Variants in ERBB4 observed in about 807,000 individuals in gnomAD.
The protein encoded by ERBB4 is receptor tyrosine-protein kinase erbB-4.
A neutral mutation model predicts 158.0 loss-of-function variants in ERBB4; 42 were observed. That is an observed-to-expected ratio of 0.27 (90% CI 0.21 to 0.34). The LOEUF (loss-of-function observed/expected upper bound fraction) is 0.34, where lower values mean the gene tolerates loss of function less well. ERBB4 is among the 10% of genes least tolerant of loss of function. ERBB4 has a pLI of 1.00. For missense variants in ERBB4, 1,333 were observed against 1,624.1 expected (o/e 0.82, Z 3.08); for synonymous variants, 583 against 558.7 (o/e 1.04, Z -0.61).
intron 1 of ERBB4, among the ~76,000 whole-genome samples, chr2:212,349,735 T>C (rs2089172235): frequency 6.6e-6 from 1 of 152,122 alleles, no homozygotes; most frequent in African/African-American, 2.4e-5. Flanking sequence ...GAAGTTGCAG[T>C]TATCCCGTAG....
intron 1 of ERBB4, among the ~76,000 whole-genome samples, chr2:212,437,204 A>G (rs1347463333): frequency 3.9e-5 from 6 of 152,024 alleles, no homozygotes; most frequent in Non-Finnish European, 2.9e-5. Context: ...CTGCTCCTAA[A>G]TAAGTTTGGC....
chr2:212,500,473 C>T (rs972278583), intron 1 of ERBB4, among the ~76,000 whole-genome samples: 1 of 152,012 alleles, frequency 6.6e-6, no homozygotes, highest in Non-Finnish European at 1.5e-5. Flanking sequence ...ATATAAATGA[C>T]TACTATAGGG....
chr2:211,601,594 T>C (rs1382056128), intron 19 of ERBB4, among the ~76,000 whole-genome samples: 2 of 152,040 alleles, frequency 1.3e-5, no homozygotes, highest in Non-Finnish European at 2.9e-5. Context: ...AAATTTGGCA[T>C]CCAAATGGCA....
At chr2:211,781,208 G>C (rs949995701) in intron 4 of ERBB4, among the ~76,000 whole-genome samples, 1 of 152,120 alleles carries the variant, frequency 6.6e-6, no homozygotes, top group South Asian at 2.1e-4. Context: ...AAGAAAGCTA[G>C]TTATATGTAA....
rs183325019 is a variant in ERBB4 at position 211,831,747 on chromosome 2, C to T, written c.422-43588G>A. 4.7e-3 allele frequency among the ~76,000 whole-genome samples: 720 copies of T among 151,960 alleles called. 26 individuals carry two copies. The highest frequency in any genetic ancestry group is 0.039 in the Admixed American group (589 of 15,236). On this transcript the variant is annotated intron_variant, in intron 3 of 27. Coordinates refer to ENST00000342788, the MANE Select transcript of ERBB4 (RefSeq NM_005235.3). ...TGAAACCCCATATCTACTAAAAATA[C>T]AAAAAATTAGCCAGGCGTGGCAGCA...
chr2:212,513,000 C>T (rs1017444554), intron 1 of ERBB4, among the ~76,000 whole-genome samples: 4 of 152,240 alleles, frequency 2.6e-5, no homozygotes, highest in East Asian at 1.9e-4. Flanking sequence ...AAACATCCTC[C>T]GCACCACTTT....
At position 212,514,801 on chromosome 2, in the gene ERBB4, CTCAA is replaced by C. The variant is rs1382450287; in HGVS notation, c.82+23644_82+23647del. ...GCCTGGTGACAGACCAAGACTCCAT[CTCAA>C]TCAATCAGTCAATCAATTCATTGCT... On this transcript the variant is annotated intron_variant, in intron 1 of 27. Transcript: ENST00000342788. Among the ~76,000 whole-genome samples, 8 of 152,158 alleles carry C rather than the reference CTCAA, an allele frequency of 5.3e-5. No individual in the cohort carries two copies. In the South Asian group the frequency reaches 1.2e-3, roughly 24 times the overall value.
At chr2:212,403,745 G>A (rs1017327832) in intron 1 of ERBB4, among the ~76,000 whole-genome samples, 7 of 151,996 alleles carry the variant, frequency 4.6e-5, no homozygotes, top group South Asian at 2.1e-4. Context: ...GAAATGGGAA[G>A]TTGCTAATCG....
intron 20 of ERBB4, among the ~76,000 whole-genome samples, chr2:211,477,319 C>T (rs2064980060): frequency 6.6e-6 from 1 of 152,064 alleles, no homozygotes; most frequent in African/African-American, 2.4e-5. Context: ...CTCTTTCTCT[C>T]TCTCTCTCTC....
intron 1 of ERBB4, among the ~76,000 whole-genome samples, chr2:212,497,584 C>A (rs903685325): frequency 6.6e-6 from 1 of 152,120 alleles, no homozygotes; most frequent in Non-Finnish European, 1.5e-5. Flanking sequence ...GTCTAGAAAG[C>A]CAACCACCTT....
intron 2 of ERBB4, among the ~76,000 whole-genome samples, chr2:212,053,259 A>T (rs920389866): frequency 1.3e-5 from 2 of 152,192 alleles, no homozygotes; most frequent in Non-Finnish European, 1.5e-5. Context: ...CTCTTTTAGT[A>T]AGGTACAAAA....
chr2:211,717,782 G>A (rs2073968468), intron 7 of ERBB4, among the ~76,000 whole-genome samples: 1 of 152,082 alleles, frequency 6.6e-6, no homozygotes, highest in African/African-American at 2.4e-5. Context: ...AGCCAAGATT[G>A]CGCCATTGCT....
chr2:211,948,765 C>A (rs2080783397), intron 2 of ERBB4, among the ~76,000 whole-genome samples: 1 of 152,076 alleles, frequency 6.6e-6, no homozygotes, highest in Non-Finnish European at 1.5e-5. Context: ...TGCTCCAAGG[C>A]TGTTTTTGGT....
intron 2 of ERBB4, among the ~76,000 whole-genome samples, chr2:211,982,692 C>A (rs969375677): frequency 2.6e-5 from 4 of 152,170 alleles, no homozygotes; most frequent in African/African-American, 9.7e-5. Context: ...AGGGCTCTGA[C>A]CCTTTATCCT....
chr2:211,571,346 T>C (rs1363835828), intron 19 of ERBB4, among the ~76,000 whole-genome samples: 3 of 152,168 alleles, frequency 2.0e-5, no homozygotes, highest in East Asian at 1.9e-4. Context: ...CAAAAACATA[T>C]GGAATTGATT....
chr2:211,431,599 TGAA>T (rs2063749684), intron 20 of ERBB4, among the ~76,000 whole-genome samples: 2 of 152,212 alleles, frequency 1.3e-5, no homozygotes, highest in Admixed American at 1.3e-4. Flanking sequence ...CTATGGAGGC[TGAA>T]GAATTATACT....
At chr2:211,642,337 C>T (rs543198270) in intron 16 of ERBB4, among the ~76,000 whole-genome samples, 1 of 151,994 alleles carries the variant, frequency 6.6e-6, no homozygotes, top group Admixed American at 6.6e-5. Flanking sequence ...ATGATCAGTT[C>T]CCTTTTCTTG....
intron 19 of ERBB4, among the ~76,000 whole-genome samples, chr2:211,567,493 A>G (rs1163407771): frequency 1.3e-5 from 2 of 152,200 alleles, no homozygotes; most frequent in Admixed American, 6.5e-5. Context: ...TGAGGGTAGT[A>G]TTTGATAAAT....
chr2:212,164,323 G>A (rs754965619), intron 1 of ERBB4, among the ~76,000 whole-genome samples: 15 of 151,712 alleles, frequency 9.9e-5, no homozygotes, highest in East Asian at 9.7e-4. Context: ...ATAAAGTATC[G>A]AAAACAACAT....
Sources: allele counts gnomAD v4.1 joint callset (sites outside exome capture counted in the v4.1 genomes callset), GRCh38; gene constraint gnomAD v4.1.1; transcripts MANE v1.5; gene names NCBI Gene and HGNC (gene_info 2026-07-23, HGNC 2026-07-21).